Variants in XYLT1 observed in about 807,000 individuals in gnomAD.
XYLT1 encodes beta-D-xylosyltransferase 1.
In XYLT1, 36 loss-of-function variants were observed where a neutral mutation model predicts 91.3. That is an observed-to-expected ratio of 0.39 (90% CI 0.30 to 0.52). The LOEUF is 0.52. Ranked by LOEUF, XYLT1 falls within the 20% of genes least tolerant of loss-of-function variation. The pLI is 0.68. For missense variants in XYLT1, 1,242 were observed against 1,284.5 expected, an observed-to-expected ratio of 0.97 and a Z score of 0.51; for synonymous variants, 588 against 532.0, an observed-to-expected ratio of 1.11 and a Z score of -1.45.
chr16:17,424,568 G>T (rs2036289461), intron 1 of XYLT1, among the ~76,000 whole-genome samples: 1 of 152,134 alleles, frequency 6.6e-6, no homozygotes, highest in Non-Finnish European at 1.5e-5. Flanking sequence ...GAAACACCAA[G>T]AAAATAAGAT....
At chr16:17,316,131 T>G (rs1421712371) in intron 2 of XYLT1, among the ~76,000 whole-genome samples, 1 of 152,206 alleles carries the variant, frequency 6.6e-6, no homozygotes, top group African/African-American at 2.4e-5. Context: ...GCACAGCTTT[T>G]ATCTGATCAA....
chr16:17,439,811 C>G (rs1197211375), intron 1 of XYLT1, among the ~76,000 whole-genome samples: 2 of 152,152 alleles, frequency 1.3e-5, no homozygotes, highest in African/African-American at 4.8e-5. Context: ...TGCCAAGGTA[C>G]CTGTAGTAGG....
intron 1 of XYLT1, among the ~76,000 whole-genome samples, chr16:17,365,756 C>T (rs2035446857): frequency 6.6e-6 from 1 of 152,088 alleles, no homozygotes; most frequent in Non-Finnish European, 1.5e-5. Context: ...ATTCATCACC[C>T]ACAGCCTTGG....
chr16:17,445,250 C>A (rs1279176529), intron 1 of XYLT1, among the ~76,000 whole-genome samples: 1 of 152,056 alleles, frequency 6.6e-6, no homozygotes, highest in Non-Finnish European at 1.5e-5. Flanking sequence ...CCTGCCTCAG[C>A]CTCCCAAAGT....
chr16:17,279,543 C>T (rs141316280), intron 2 of XYLT1, among the ~76,000 whole-genome samples: 19 of 152,308 alleles, frequency 1.2e-4, no homozygotes, highest in Non-Finnish European at 2.5e-4. Flanking sequence ...AGCTGCCCTT[C>T]TTAGCAGTGA....
At position 17,259,401 on chromosome 16, in the gene XYLT1, T is replaced by C. The variant is rs761392914; in HGVS notation, c.500A>G (p.Asn167Ser). The C allele has an allele frequency of 1.9e-6, 3 of 1,614,212 alleles. No homozygotes were observed. Among genetic ancestry groups the C allele is most frequent in the Non-Finnish European group, 2.5e-6 (3 of 1,180,044 alleles). ...PKDFENVDNSNFAPRTQKQKH... is the reference protein window; with the variant it reads ...PKDFENVDNSSFAPRTQKQKH... ...CTGCTTTTGAGTCCTGGGTGCGAAG[T>C]TGCTGTTGTCGACATTCTCAAAGTC... The change falls in exon 3 of 12, where the codon AAC (asparagine) becomes AGC (serine). Residue 167 changes from asparagine (N) to serine (S), a missense_variant. Transcript: ENST00000261381.
intron 3 of XYLT1, among the ~76,000 whole-genome samples, chr16:17,243,345 C>T (rs576623314): frequency 3.3e-5 from 5 of 152,304 alleles, no homozygotes; most frequent in Admixed American, 2.0e-4. Context: ...CACTGTCTTG[C>T]TCAAAACCCA....
chr16:17,131,188 G>A (rs2030457435), intron 9 of XYLT1, among the ~76,000 whole-genome samples: 1 of 151,132 alleles, frequency 6.6e-6, no homozygotes, highest in Non-Finnish European at 1.5e-5. Flanking sequence ...ATTTTCTCTT[G>A]AACCTCAAGT....
intron 3 of XYLT1, among the ~76,000 whole-genome samples, chr16:17,233,684 G>C (rs1596438158): frequency 6.6e-6 from 1 of 152,184 alleles, no homozygotes; most frequent in Non-Finnish European, 1.5e-5. Context: ...CTTACAAAAA[G>C]AATAATAATT....
At chr16:17,289,786 T>C (rs2034195456) in intron 2 of XYLT1, among the ~76,000 whole-genome samples, 1 of 152,038 alleles carries the variant, frequency 6.6e-6, no homozygotes, top group South Asian at 2.1e-4. Context: ...AACGCAAACA[T>C]GCAAACAAAA....
At chr16:17,160,658 G>A (rs2031526528) in intron 5 of XYLT1, among the ~76,000 whole-genome samples, 1 of 152,146 alleles carries the variant, frequency 6.6e-6, no homozygotes, top group South Asian at 2.1e-4. Flanking sequence ...GGGCACAGAG[G>A]TGAACCCAGG....
intron 1 of XYLT1, among the ~76,000 whole-genome samples, chr16:17,438,582 C>T (rs946628428): frequency 2.0e-5 from 3 of 152,036 alleles, no homozygotes; most frequent in African/African-American, 7.2e-5. Context: ...TCCCGCATCC[C>T]TAGAAAGAAC....
At chr16:17,228,672 A>G (rs2033110159) in intron 3 of XYLT1, among the ~76,000 whole-genome samples, 1 of 152,034 alleles carries the variant, frequency 6.6e-6, no homozygotes, top group East Asian at 1.9e-4. Context: ...AGGCAGCTTC[A>G]TCTCCCCTTC....
At chr16:17,161,677 G>GCTCTCTCTCTCTCTCTCT (rs10676460) in intron 5 of XYLT1, among the ~76,000 whole-genome samples, 17 of 148,996 alleles carry the variant, frequency 1.1e-4, no homozygotes, top group Admixed American at 8.7e-4. Flanking sequence ...TTTCTCGCGC[G>GCTCTCTCTCTCTCTCTCT]CTCTCTCTCT....
chr16:17,330,919 G>T (rs992218459), intron 2 of XYLT1, among the ~76,000 whole-genome samples: 4 of 152,190 alleles, frequency 2.6e-5, no homozygotes, highest in African/African-American at 7.2e-5. Flanking sequence ...AGGGACTGCT[G>T]CCCTTGAATT....
intron 1 of XYLT1, among the ~76,000 whole-genome samples, chr16:17,382,122 C>T (rs924434430): frequency 6.6e-6 from 1 of 151,898 alleles, no homozygotes; most frequent in African/African-American, 2.4e-5. Context: ...GCTGGGCACT[C>T]TCTTGGCTAG....
At chr16:17,432,241 A>G (rs2036401271) in intron 1 of XYLT1, among the ~76,000 whole-genome samples, 1 of 152,212 alleles carries the variant, frequency 6.6e-6, no homozygotes, top group Non-Finnish European at 1.5e-5. Context: ...GAGAAATGAA[A>G]ACATATGTCC....
intron 5 of XYLT1, among the ~76,000 whole-genome samples, chr16:17,168,437 G>A (rs1026612871): frequency 8.5e-5 from 13 of 152,130 alleles, no homozygotes; most frequent in African/African-American, 3.1e-4. Flanking sequence ...GGGACTACTA[G>A]AGAGGGAAGA....
intron 6 of XYLT1, among the ~76,000 whole-genome samples, chr16:17,146,176 C>A (rs1343380548): frequency 6.6e-6 from 1 of 152,206 alleles, no homozygotes; most frequent in Non-Finnish European, 1.5e-5. Context: ...AGTAAACCTA[C>A]ATTCTTAGCA....
Sources: allele counts gnomAD v4.1 joint callset (sites outside exome capture counted in the v4.1 genomes callset), GRCh38; gene constraint gnomAD v4.1.1; transcripts MANE v1.5; gene names NCBI Gene and HGNC (gene_info 2026-07-23, HGNC 2026-07-21).